The following CDKAL1 variants were observed in gnomAD, a reference collection of about 807,000 sequenced individuals.
CDKAL1 encodes the protein threonylcarbamoyladenosine tRNA methylthiotransferase.
In CDKAL1, 32 loss-of-function variants were observed where a neutral mutation model predicts 68.2. That is an observed-to-expected ratio of 0.47 (90% CI 0.35 to 0.63). The LOEUF is 0.63. Among genes scored for constraint, CDKAL1 ranks in the 30% least tolerant of loss-of-function variants. CDKAL1 has a pLI of 0.00. For missense variants in CDKAL1, 606 were observed against 696.7 expected (o/e 0.87, Z 1.47); for synonymous variants, 234 against 244.3 (o/e 0.96, Z 0.39).
At chr6:20,739,650 T>TA in intron 6 of CDKAL1, 35 bp downstream of exon 6, 1 of 1,254,014 alleles carries the variant, frequency 8.0e-7, no homozygotes, top group African/African-American at 1.5e-5. Flanking sequence ...GAGAAAATCT[T>TA]ACATTGTTAA....
intron 4 of CDKAL1, among the ~76,000 whole-genome samples, chr6:20,614,946 C>G (rs1231987484): frequency 1.6e-5 from 2 of 126,500 alleles, no homozygotes; most frequent in Non-Finnish European, 3.2e-5. Flanking sequence ...CACCCCACCA[C>G]AGTCCCCAGA....
chr6:20,916,298 C>T (rs1205776684), intron 9 of CDKAL1, among the ~76,000 whole-genome samples: 2 of 152,206 alleles, frequency 1.3e-5, no homozygotes, highest in Admixed American at 6.5e-5. Context: ...TGATATCATT[C>T]GGGGAACCTG....
At position 20,673,434 on chromosome 6, in the gene CDKAL1, G is replaced by A. The variant is rs556647833; in HGVS notation, c.371+24057G>A. On this transcript the variant is annotated intron_variant, in intron 5 of 15. Transcript: ENST00000274695. Reference sequence around the variant, plus strand: ...AATGCTAGATAATACTTGTTTTAGTGTATTGCTTAGGGAATAATGAAAATG... The same window carrying A: ...AATGCTAGATAATACTTGTTTTAGTATATTGCTTAGGGAATAATGAAAATG... 4.6e-5 allele frequency among the ~76,000 whole-genome samples: 7 copies of A among 152,302 alleles called. No individual in the cohort carries two copies. In the South Asian group the frequency reaches 1.5e-3, roughly 32 times the overall value.
intron 8 of CDKAL1, among the ~76,000 whole-genome samples, chr6:20,782,770 A>G (rs1489624618): frequency 2.6e-5 from 4 of 152,174 alleles, no homozygotes; most frequent in Non-Finnish European, 5.9e-5. Context: ...GTAGGGATTT[A>G]ATGCATATTT....
At chr6:20,947,092 C>CAATGAATG (rs147092380) in intron 9 of CDKAL1, among the ~76,000 whole-genome samples, 4 of 151,738 alleles carry the variant, frequency 2.6e-5, no homozygotes, top group Admixed American at 6.6e-5. Flanking sequence ...TAGAAGGAGT[C>CAATGAATG]AATGAATGAA....
intron 6 of CDKAL1, among the ~76,000 whole-genome samples, chr6:20,743,662 T>C (rs1409113948): frequency 6.6e-6 from 1 of 152,128 alleles, no homozygotes; most frequent in Non-Finnish European, 1.5e-5. Flanking sequence ...TCTCCTGAAA[T>C]CACCTAGTTG....
chr6:21,221,092 G>A (rs1376109613), intron 15 of CDKAL1, among the ~76,000 whole-genome samples: 3 of 151,958 alleles, frequency 2.0e-5, no homozygotes, highest in Non-Finnish European at 2.9e-5. Flanking sequence ...ACTTGAACCC[G>A]GGAGGCGGAG....
At chr6:20,829,732 A>C (rs2150459982) in intron 8 of CDKAL1, among the ~76,000 whole-genome samples, 1 of 152,332 alleles carries the variant, frequency 6.6e-6, no homozygotes. Flanking sequence ...GACCAATGTT[A>C]ATAATTTTGA....
chr6:21,214,655 A>T (rs1019327553), intron 15 of CDKAL1, among the ~76,000 whole-genome samples: 1 of 152,050 alleles, frequency 6.6e-6, no homozygotes, highest in African/African-American at 2.4e-5. Context: ...CCAAGCCCTC[A>T]CCATCCAACA....
At chr6:20,609,817 A>T (rs1291565800) in intron 4 of CDKAL1, among the ~76,000 whole-genome samples, 1 of 152,006 alleles carries the variant, frequency 6.6e-6, no homozygotes, top group Non-Finnish European at 1.5e-5. Context: ...GTACAAGTGC[A>T]GGTTTGTTAC....
intron 9 of CDKAL1, among the ~76,000 whole-genome samples, chr6:20,876,515 G>C (rs1381232819): frequency 6.6e-6 from 1 of 152,102 alleles, no homozygotes; most frequent in Non-Finnish European, 1.5e-5. Context: ...GCATTGATGG[G>C]ATTAATGCTT....
chr6:21,173,929 A>G (rs1777484929), intron 13 of CDKAL1, among the ~76,000 whole-genome samples: 1 of 152,232 alleles, frequency 6.6e-6, no homozygotes, highest in African/African-American at 2.4e-5. Flanking sequence ...AAAATTAGCA[A>G]GGTGTGGTGG....
At chr6:21,070,037 G>A (rs183302231) in intron 12 of CDKAL1, among the ~76,000 whole-genome samples, 39 of 151,880 alleles carry the variant, frequency 2.6e-4, no homozygotes, top group African/African-American at 7.5e-4. Context: ...TGATCCACCC[G>A]CCTCAGCCTC....
intron 5 of CDKAL1, among the ~76,000 whole-genome samples, chr6:20,711,879 T>C (rs1393026275): frequency 6.6e-6 from 1 of 152,186 alleles, no homozygotes; most frequent in Non-Finnish European, 1.5e-5. Flanking sequence ...TTTTAGTAGG[T>C]AGAAAACCAT....
intron 1 of CDKAL1, 123 bp downstream of exon 1, chr6:20,534,697 G>T (rs1763099917): frequency 6.6e-6 from 1 of 152,228 alleles, no homozygotes; most frequent in Admixed American, 6.5e-5. Flanking sequence ...GCAGTTAAAA[G>T]GGGATTTGCC....
At chr6:20,828,263 C>G (rs924136798) in intron 8 of CDKAL1, among the ~76,000 whole-genome samples, 2 of 152,088 alleles carry the variant, frequency 1.3e-5, no homozygotes, top group African/African-American at 4.8e-5. Flanking sequence ...GAGTCTTGCT[C>G]TGTCACCCAG....
In CDKAL1 at chr6:20,843,675, A is replaced by AT. The variant is rs536349353; in HGVS notation, c.639-2393dup. 2.4e-4 allele frequency among the ~76,000 whole-genome samples: 36 copies of AT among 152,190 alleles called. No homozygotes were observed. In the East Asian group the frequency reaches 2.5e-3, roughly 11 times the overall value. On this transcript the variant is annotated intron_variant, in intron 8 of 15. Transcript: ENST00000274695. ...CCCATCACATGAGGTCAGGTGTGGA[A>AT]TTTTTTTCTTGTAGTGTCATGTTGT...
At chr6:21,030,034 A>G (rs1264277141) in intron 11 of CDKAL1, among the ~76,000 whole-genome samples, 1 of 152,198 alleles carries the variant, frequency 6.6e-6, no homozygotes, top group African/African-American at 2.4e-5. Flanking sequence ...ACATATACTT[A>G]TTGCAGCACT....
intron 8 of CDKAL1, among the ~76,000 whole-genome samples, chr6:20,782,914 C>T (rs563612709): frequency 1.4e-4 from 21 of 152,196 alleles, no homozygotes; most frequent in Admixed American, 1.0e-3. Flanking sequence ...ATCACACTTT[C>T]TCCTGAAAAA....
Sources: allele counts gnomAD v4.1 joint callset (sites outside exome capture counted in the v4.1 genomes callset), GRCh38; gene constraint gnomAD v4.1.1; transcripts MANE v1.5; gene names NCBI Gene and HGNC (gene_info 2026-07-23, HGNC 2026-07-21).